MMP28: variants seen among roughly 807,000 people sequenced by gnomAD.
MMP28 encodes matrix metallopeptidase 28, also known as matrix metalloproteinase-28.
MMP28 carries 55 observed loss-of-function variants against 60.5 expected under a neutral mutation model. The observed-to-expected ratio is 0.91, with a 90% CI of 0.73 to 1.14. MMP28 has a LOEUF of 1.14. Ranked by LOEUF, MMP28 falls within the 50% of genes most tolerant of loss-of-function variation. The pLI is 0.00. For missense variants in MMP28, 686 were observed against 738.3 expected (o/e 0.93, Z 0.82); for synonymous variants, 318 against 312.5 (o/e 1.02, Z -0.18).
downstream of MMP28, among the ~76,000 whole-genome samples, chr17:35,761,412 G>A (rs587610245): frequency 7.0e-6 from 1 of 142,934 alleles, no homozygotes; most frequent in South Asian, 2.3e-4. Flanking sequence ...TGCCTGGCCT[G>A]TTTTTTGTTT....
At chr17:35,787,899 CTTTTTTTTTTT>C (rs532350874) in intron 1 of MMP28, among the ~76,000 whole-genome samples, 2 of 104,414 alleles carry the variant, frequency 1.9e-5, no homozygotes, top group Admixed American at 1.1e-4. Context: ...TTTTCTTTCC[CTTTTTTTTTTT>C]TTTTTTTTTT....
intron 1 of MMP28, among the ~76,000 whole-genome samples, chr17:35,794,005 G>A (rs964437364): frequency 9.9e-5 from 15 of 152,044 alleles, no homozygotes; most frequent in African/African-American, 3.6e-4. Context: ...GGCTGAGGCA[G>A]GAGAATCGCT....
downstream of MMP28, among the ~76,000 whole-genome samples, chr17:35,765,617 G>A (rs920311930): frequency 1.3e-5 from 2 of 152,226 alleles, no homozygotes; most frequent in African/African-American, 4.8e-5. Flanking sequence ...CGCCTGCAGC[G>A]TTGCAGAGCC....
At chr17:35,786,054 T>C (rs973279645) in intron 1 of MMP28, among the ~76,000 whole-genome samples, 2 of 147,778 alleles carry the variant, frequency 1.4e-5, no homozygotes, top group African/African-American at 5.2e-5. Context: ...ACTCACCTTC[T>C]TGTTTTTTTT....
rs753502013 is a variant in MMP28, at chr17:35,766,639, C to A, written c.1424G>T (p.Gly475Val). 2 of 1,612,470 alleles carry A rather than the reference C, an allele frequency of 1.2e-6. No individual in the cohort carries two copies. The highest frequency in any genetic ancestry group is 4.5e-5 in the East Asian group (2 of 44,858). Residue 475 changes from glycine to valine, a missense_variant, in exon 8 of 8, where the codon GGC becomes GTC. By Grantham distance (109) the Gly-to-Val change is moderately radical. Coordinates refer to ENST00000605424, the MANE Select transcript of MMP28 (RefSeq NM_024302.5). This position sits in a 1 kb window ranked among gnomAD's most constrained non-coding sequence, Gnocchi z 4.3. Reference protein sequence around the residue: ...EVSGALPRPDGSIIFFRDDRY... With the variant: ...EVSGALPRPDVSIIFFRDDRY... ...GTCATCTCGGAAGAAGATGATGGAG[C>A]CATCGGGCCTCGGCAGGGCGCCGCT...
downstream of MMP28, among the ~76,000 whole-genome samples, chr17:35,761,542 G>A (rs587717650): frequency 6.6e-6 from 1 of 152,142 alleles, no homozygotes; most frequent in African/African-American, 2.4e-5. Context: ...GCCTCCCAAA[G>A]TGCTGGGATT....
chr17:35,794,031 G>A (rs1267728962), intron 1 of MMP28, among the ~76,000 whole-genome samples: 2 of 151,720 alleles, frequency 1.3e-5, no homozygotes. Context: ...CCGGGAGGTA[G>A]AGGCTGCAGT....
chr17:35,794,861 G>T (rs1170383506), intron 1 of MMP28, among the ~76,000 whole-genome samples: 1 of 152,164 alleles, frequency 6.6e-6, no homozygotes, highest in Non-Finnish European at 1.5e-5. Flanking sequence ...TGTGTCCCGC[G>T]TCCCGGCCAG....
intron 1 of MMP28, among the ~76,000 whole-genome samples, chr17:35,788,469 A>G (rs771392698): frequency 6.6e-6 from 1 of 152,094 alleles, no homozygotes; most frequent in Non-Finnish European, 1.5e-5. Context: ...TGGCTAGACA[A>G]GTGCTTTTCC....
Position 35,770,322 on chromosome 17 carries a change from G to A in MMP28, c.605-10C>T. On this transcript the variant is annotated splice_polypyrimidine_tract_variant and intron_variant, in intron 4 of 7. Coordinates refer to ENST00000605424, the MANE Select transcript of MMP28 (RefSeq NM_024302.5). ...TGCGCCAGGGCGCCCCCTGCAGGTG[G>A]GGCAGAAGGTCAGGGGGTGCCACGG... The A allele has an allele frequency of 1.3e-6, 2 of 1,496,384 alleles. No individual in the cohort carries two copies. The highest frequency in any genetic ancestry group is 4.9e-5 in the East Asian group (2 of 40,988). The allele number at this position is 1,496,384 out of a possible 1,614,324, so 92.7% of individuals were successfully genotyped here.
chr17:35,781,895 A>G (rs1555609477), intron 1 of MMP28, among the ~76,000 whole-genome samples: 5 of 151,158 alleles, frequency 3.3e-5, no homozygotes, highest in Admixed American at 2.6e-4. Context: ...GGGTCTCACT[A>G]TGTTGCCCTG....
In MMP28 at chr17:35,778,990, C is replaced by T. The variant is rs973259197; in HGVS notation, c.277G>A (p.Val93Ile). ...LRQMTRPRCG[V>I]TDTNSYAAWA... ...GCCGCATAACTGTTGGTATCTGTAA[C>T]CCCGCAGCGGGGACGAGTCATCTGG... Residue 93 changes from valine to isoleucine, a missense_variant, in exon 3 of 8, where the codon GTT becomes ATT. Transcript: ENST00000605424. 7 of 1,613,944 alleles carry T rather than the reference C, an allele frequency of 4.3e-6. 1 individual carries two copies. Among genetic ancestry groups the T allele is most frequent in the Middle Eastern group, 3.3e-4 (2 of 6,084 alleles).
At chr17:35,763,438 CTTTTTTTTTTTT>C (rs782005643), downstream of MMP28, among the ~76,000 whole-genome samples, 4 of 101,516 alleles carry the variant, frequency 3.9e-5, no homozygotes, top group African/African-American at 1.2e-4. Flanking sequence ...CCATGCCCAG[CTTTTTTTTTTTT>C]TTTTTTTTTT....
chr17:35,756,939 T>A (rs782126104), intron 2 of MMP28, among the ~76,000 whole-genome samples: 1 of 151,920 alleles, frequency 6.6e-6, no homozygotes, highest in Non-Finnish European at 1.5e-5. Context: ...GGCTCATGCT[T>A]GTCATCCCAG....
At chr17:35,780,515 G>T (rs1427615702) in intron 1 of MMP28, among the ~76,000 whole-genome samples, 4 of 152,074 alleles carry the variant, frequency 2.6e-5, no homozygotes, top group Admixed American at 2.0e-4. Context: ...AATGTACTAG[G>T]TACCCTGCTA....
Position 35,778,998 on chromosome 17 carries a change from C to T in MMP28, c.269G>A (p.Arg90His), listed in dbSNP as rs901981147. ...RATLRQMTRP[R>H]CGVTDTNSYA... ...ACTGTTGGTATCTGTAACCCCGCAG[C>T]GGGGACGAGTCATCTGGCGCAGGGT... The change falls in exon 3 of 8, where the codon CGC becomes CAC. Residue 90 changes from arginine (R) to histidine (H), a missense_variant. Arg to His is a conservative substitution (Grantham distance 29, BLOSUM62 0). Transcript: ENST00000605424. 1.5e-5 allele frequency: 25 copies of T among 1,613,960 alleles called. No homozygotes were observed. Among genetic ancestry groups the T allele is most frequent in the Middle Eastern group, 1.6e-4 (1 of 6,084 alleles).
chr17:35,756,824 G>T (rs1354886722), intron 2 of MMP28, among the ~76,000 whole-genome samples: 1 of 152,000 alleles, frequency 6.6e-6, no homozygotes, highest in Non-Finnish European at 1.5e-5. Context: ...TTTCCTAAGA[G>T]GACTCAGAAT....
chr17:35,779,256 C>T lies in MMP28; in HGVS notation c.179G>A (p.Ser60Asn), dbSNP rs769487242. The T allele has an allele frequency of 5.6e-6, 9 of 1,612,628 alleles. No homozygotes were observed. Among genetic ancestry groups the T allele is most frequent in the East Asian group, 2.2e-5 (1 of 44,858 alleles). The change falls in exon 2 of 8, where the codon AGC becomes AAC. Residue 60 changes from serine (S) to asparagine (N), a missense_variant. Coordinates refer to ENST00000605424, the MANE Select transcript of MMP28 (RefSeq NM_024302.5). ...VPKAPTSTRF[S>N]DAIRAFQWVS... ...CCCTCCACCCTACCTGATGGCATCG[C>T]TGAATCGAGTGGAGGTGGGAGCTTT...
At chr17:35,767,630 G>T in intron 7 of MMP28, 122 bp downstream of exon 7, 6 of 1,185,792 alleles carry the variant, frequency 5.1e-6, no homozygotes, top group African/African-American at 1.5e-5. Flanking sequence ...GGTTCAGATT[G>T]GAATGGAGAC....
Sources: gnomAD v4.1 joint callset for allele counts (sites outside exome capture counted in the v4.1 genomes callset) on GRCh38, gnomAD v4.1.1 for gene constraint, Gnocchi (gnomAD v3.1) non-coding constraint, MANE v1.5 for transcripts, NCBI Gene and HGNC (gene_info 2026-07-23, HGNC 2026-07-21) for gene names.